Variants in XRN1 observed in about 807,000 individuals in gnomAD.
The protein encoded by XRN1 is strand-exchange protein 1 homolog.
A neutral mutation model predicts 222.3 loss-of-function variants in XRN1; 67 were observed. That is an observed-to-expected ratio of 0.30 (90% CI 0.25 to 0.37). The LOEUF is 0.37. Among genes scored for constraint, XRN1 ranks in the 10% least tolerant of loss-of-function variants. The pLI, the probability that XRN1 is intolerant of heterozygous loss-of-function variation, is 1.00. For synonymous variants in XRN1, 643 were observed against 652.4 expected, an observed-to-expected ratio of 0.99 and a Z score of 0.22; for missense variants, 1,707 against 2,000.2, an observed-to-expected ratio of 0.85 and a Z score of 2.80.
At chr3:142,413,933 G>A (rs907059003) in intron 14 of XRN1, among the ~76,000 whole-genome samples, 2 of 152,196 alleles carry the variant, frequency 1.3e-5, no homozygotes, top group African/African-American at 4.8e-5. Flanking sequence ...ATGATTTACG[G>A]AGTTTCTTTG....
intron 19 of XRN1, among the ~76,000 whole-genome samples, chr3:142,399,572 AAATT>A (rs1474476021): frequency 6.6e-6 from 1 of 152,106 alleles, no homozygotes; most frequent in Non-Finnish European, 1.5e-5. Flanking sequence ...AAGCATAAAA[AAATT>A]AATAAATTGG....
rs114144657 is a variant in XRN1 at position 142,382,888 on chromosome 3, C to T, written c.2616+412G>A. ...CCAAATCTGTCCCTATAGGTTCTTT[C>T]TTGCTTTCTCTCCTTCCATATTTGC... is the stretch of plus-strand genomic sequence containing the variant. On this transcript the variant is annotated intron_variant, in intron 22 of 40. Coordinates refer to ENST00000392981, the MANE Select transcript of XRN1 (RefSeq NM_001282857.2). Among the ~76,000 whole-genome samples, 778 of 152,236 alleles carry T rather than the reference C, an allele frequency of 5.1e-3. 4 individuals are homozygous for T. Among genetic ancestry groups the T allele is most frequent in the African/African-American group, 0.018 (737 of 41,542 alleles).
At chr3:142,355,543 T>A in intron 31 of XRN1, 47 bp from the exon 32 acceptor site, 1 of 1,164,456 alleles carries the variant, frequency 8.6e-7, no homozygotes, top group South Asian at 1.4e-5. Flanking sequence ...TAGGAAGAAA[T>A]AAAAATACAT....
intron 20 of XRN1, among the ~76,000 whole-genome samples, chr3:142,391,747 A>ATATATATATAT (rs758631390): frequency 2.8e-5 from 3 of 108,406 alleles, no homozygotes; most frequent in Admixed American, 1.0e-4. Context: ...AAAAAAAAAA[A>ATATATATATAT]AAATATATAT....
chr3:142,443,415 G>A (rs1181583809), intron 1 of XRN1, among the ~76,000 whole-genome samples: 2 of 151,566 alleles, frequency 1.3e-5, no homozygotes, highest in East Asian at 1.9e-4. Flanking sequence ...CTTTAAACAC[G>A]GGGCTTGCAA....
intron 33 of XRN1, among the ~76,000 whole-genome samples, chr3:142,336,795 A>G (rs773711812): frequency 2.6e-5 from 4 of 152,344 alleles, no homozygotes; most frequent in Non-Finnish European, 4.4e-5. Flanking sequence ...TAACTCAAAT[A>G]GTTTACATAC....
At chr3:142,324,015 G>A in intron 37 of XRN1, among the ~76,000 whole-genome samples, 1 of 151,264 alleles carries the variant, frequency 6.6e-6, no homozygotes, top group African/African-American at 2.4e-5. Context: ...TATCATTTTT[G>A]CTGTGTTAGG....
At position 142,429,488 on chromosome 3, in the gene XRN1, G is replaced by T. The variant is rs558177272; in HGVS notation, c.309-2647C>A. 9.2e-4 allele frequency among the ~76,000 whole-genome samples: 140 copies of T among 152,092 alleles called. 1 individual carries two copies. The highest frequency in any genetic ancestry group is 1.7e-3 in the Non-Finnish European group (118 of 68,008). On this transcript the variant is annotated intron_variant, in intron 2 of 40. Transcript: ENST00000392981. ...TCTTGTCAGGAAATTTTAGTGGCAT[G>T]GTGGGGATAAAAGAAGGCAGATTTA...
chr3:142,390,289 G>C (rs1391314430), intron 20 of XRN1, among the ~76,000 whole-genome samples: 4 of 152,206 alleles, frequency 2.6e-5, no homozygotes, highest in Admixed American at 6.5e-5. Flanking sequence ...CTGCACCTAT[G>C]GAAGTCCAGG....
chr3:142,393,839 T>C (rs1377452038), intron 20 of XRN1, among the ~76,000 whole-genome samples: 3 of 152,132 alleles, frequency 2.0e-5, no homozygotes, highest in Non-Finnish European at 2.9e-5. Context: ...AGACCTTTTT[T>C]TTTTTTTGAG....
chr3:142,334,047 T>C (rs1414061352), intron 34 of XRN1, among the ~76,000 whole-genome samples: 1 of 152,210 alleles, frequency 6.6e-6, no homozygotes, highest in East Asian at 1.9e-4. Context: ...ACAGTGGTGA[T>C]TCTAATTGTA....
In XRN1 at chr3:142,424,457, C is replaced by T. The variant is rs112591184; in HGVS notation, c.627+765G>A. ...AGTCTGTTGACACATATCAATCAAA[C>T]GCCATGTACTTGCATACTGTTTATT... On this transcript the variant is annotated intron_variant, in intron 5 of 40. Transcript: ENST00000392981. Among the ~76,000 whole-genome samples the T allele has an allele frequency of 5.2e-3, 789 of 152,228 alleles. 9 individuals carry two copies. Among genetic ancestry groups the T allele is most frequent in the African/African-American group, 0.018 (766 of 41,536 alleles).
In XRN1 at chr3:142,404,926, T is replaced by G; in HGVS notation, c.1864A>C (p.Ile622Leu). 1 of 1,613,994 alleles carries G rather than the reference T, an allele frequency of 6.2e-7. No individual in the cohort carries two copies. The highest frequency in any genetic ancestry group is 8.5e-7 in the Non-Finnish European group (1 of 1,179,902). ...PSPWPEKFPA[I>L]ERCCTRYKII... ...CATTACCTTGTACAACATCGTTCTA[T>G]GGCAGGGAACTTTTCTGGCCATGGA... is the stretch of plus-strand genomic sequence containing the variant. Residue 622 changes from isoleucine (I) to leucine (L), a missense_variant, in exon 16 of 41, where the codon ATA (isoleucine) becomes CTA (leucine). Transcript: ENST00000392981.
intron 13 of XRN1, among the ~76,000 whole-genome samples, chr3:142,415,556 T>G (rs2068751621): frequency 6.6e-6 from 1 of 152,228 alleles, no homozygotes. Flanking sequence ...GCTTTTTATG[T>G]GCTTGGCCTT....
intron 27 of XRN1, among the ~76,000 whole-genome samples, chr3:142,365,579 T>C (rs1025501988): frequency 3.3e-5 from 5 of 152,112 alleles, no homozygotes; most frequent in Admixed American, 2.6e-4. Context: ...TAAAGTAAAA[T>C]TTTTTGCTGA....
Position 142,447,887 on chromosome 3 carries a change from C to T in XRN1, c.58G>A (p.Val20Met). The change falls in exon 1 of 41, where the codon GTG becomes ATG. Residue 20 changes from valine to methionine, a missense_variant. Around this residue, in one of 2 missense-constraint regions of XRN1, gnomAD observed 1,234 missense variants for 1,518.2 expected, o/e 0.81. Transcript: ENST00000392981. This position sits in a 1 kb window ranked among gnomAD's most constrained non-coding sequence, Gnocchi z 4.2. ...ISERYPCLSE[V>M]VKEHQIPEFD... ...TCACCCACCTGATGCTCTTTCACCA[C>T]TTCGCTGAGACAGGGATACCGCTCT... The T allele has an allele frequency of 6.2e-7, 1 of 1,613,876 alleles. No homozygotes were observed. Among genetic ancestry groups the T allele is most frequent in the Non-Finnish European group, 8.5e-7 (1 of 1,179,946 alleles).
chr3:142,347,421 A>T, intron 32 of XRN1, 79 bp from the exon 33 acceptor site: 1 of 912,786 alleles, frequency 1.1e-6, no homozygotes, highest in Non-Finnish European at 1.6e-6. Context: ...TAATAAATAC[A>T]TTTTTATAAA....
At chr3:142,414,417 A>G (rs887789404) in intron 13 of XRN1, 126 bp from the exon 14 acceptor site, 3 of 666,668 alleles carry the variant, frequency 4.5e-6, no homozygotes, top group Non-Finnish European at 6.5e-6. Flanking sequence ...ACTGCCCATA[A>G]TTCTACTATC....
chr3:142,313,471 C>A (rs896634342), intron 39 of XRN1, among the ~76,000 whole-genome samples: 1 of 152,070 alleles, frequency 6.6e-6, no homozygotes, highest in Non-Finnish European at 1.5e-5. Flanking sequence ...ACAGCCTGTA[C>A]CAGTAGAGCA....
Sources: gnomAD v4.1 joint callset for allele counts (sites outside exome capture counted in the v4.1 genomes callset) on GRCh38, gnomAD v4.1.1 for gene constraint, gnomAD v4.1.1 regional missense constraint, Gnocchi (gnomAD v3.1) non-coding constraint, MANE v1.5 for transcripts, NCBI Gene and HGNC (gene_info 2026-07-23, HGNC 2026-07-21) for gene names.